The following IHH variants were observed in gnomAD, a reference collection of about 807,000 sequenced individuals.
IHH encodes Indian hedgehog signaling molecule, also known as indian hedgehog protein.
Under a neutral mutation model 29.4 loss-of-function variants are expected in IHH, and 9 were observed. The ratio of observed to expected loss-of-function variants is 0.31; its 90% CI spans 0.18 to 0.53. The LOEUF (loss-of-function observed/expected upper bound fraction) is 0.53. Ranked by LOEUF, IHH falls within the 20% of genes least tolerant of loss-of-function variation. The pLI is 0.95. For synonymous variants in IHH, 254 were observed against 252.7 expected (o/e 1.01, Z -0.05); for missense variants, 454 against 578.1 (o/e 0.79, Z 2.20).
At chr2:219,057,778 C>T (rs950393845) in intron 1 of IHH, 84 bp from the exon 2 acceptor site, 24 of 1,505,640 alleles carry the variant, frequency 1.6e-5, no homozygotes, top group Non-Finnish European at 2.1e-5. Context: ...CGCAGCCTCG[C>T]CCAGAACTCT....
rs1302932323 is a variant in IHH, at chr2:219,059,391, C to A, written c.315+762G>T. Among the ~76,000 whole-genome samples, 1 of 152,192 alleles carries A rather than the reference C, an allele frequency of 6.6e-6. No individual in the cohort carries two copies. The highest frequency in any genetic ancestry group is 1.5e-5 in the Non-Finnish European group (1 of 68,028). ...CGGGTCCTACTCCAGCATGCAGAGA[C>A]TAGCGTCAGCCCTGGTCCCTGCCTC... On this transcript the variant is annotated intron_variant, in intron 1 of 2. Transcript: ENST00000295731. This position sits in a 1 kb window ranked among gnomAD's most constrained non-coding sequence, Gnocchi z 4.7.
chr2:219,055,670 T>A lies in IHH; in HGVS notation c.773A>T (p.Gln258Leu). ...DREPHRLRAF[Q>L]VIETQDPPRR... ...TGGGGGGTCCTGAGTCTCGATGACCTGGAAGGCTCTCAGCCTGTGAGGCTC... is the reference window on the plus strand; with the variant it reads ...TGGGGGGTCCTGAGTCTCGATGACCAGGAAGGCTCTCAGCCTGTGAGGCTC... The change falls in exon 3 of 3, where the codon CAG (glutamine) becomes CTG (leucine). Residue 258 changes from glutamine (Q) to leucine (L), a missense_variant. Transcript: ENST00000295731. 1 of 1,614,032 alleles carries A rather than the reference T, an allele frequency of 6.2e-7. No individual in the cohort carries two copies. The highest frequency in any genetic ancestry group is 8.5e-7 in the Non-Finnish European group (1 of 1,179,958).
chr2:219,060,548 G>T lies in IHH; in HGVS notation c.-81C>A, dbSNP rs528187901. 6,360 of 1,054,958 alleles carry T rather than the reference G, an allele frequency of 6.0e-3. 32 individuals are homozygous for T. Among genetic ancestry groups the T allele is most frequent in the South Asian group, 0.014 (532 of 39,192 alleles). The allele number at this position is 1,054,958 out of a possible 1,614,324, so 65.3% of individuals were successfully genotyped here. A position where few individuals can be genotyped will look rare whatever the true frequency, so the allele number is the denominator to read the frequency against. ...GCGCGTCGACGGGAGCGCTGCGGGG[G>T]CTCAGGCGTCCGGGTGGCTCCGGGG... On this transcript the variant is annotated 5_prime_UTR_variant, in exon 1 of 3. Coordinates refer to ENST00000295731, the MANE Select transcript of IHH (RefSeq NM_002181.4). The surrounding 1 kb of genome is among the most constrained non-coding windows in gnomAD (Gnocchi z 8.8).
Position 219,054,933 on chromosome 2 carries a change from T to C in IHH, c.*274A>G. 5 of 497,128 alleles carry C rather than the reference T, an allele frequency of 1.0e-5. No homozygotes were observed. The highest frequency in any genetic ancestry group is 1.8e-5 in the Non-Finnish European group (5 of 275,934). 30.8% of individuals were successfully genotyped at this position (497,128 alleles called of 1,614,324 possible). ...AAACTCGTAGTGAGAGCAGGCTGAG[T>C]TGGGAGTCGCCGTGCCAGCCTCAAG... On this transcript the variant is annotated 3_prime_UTR_variant, in exon 3 of 3. Coordinates refer to ENST00000295731, the MANE Select transcript of IHH (RefSeq NM_002181.4).
rs951654237 is a variant in IHH, at chr2:219,059,284, C to A, written c.315+869G>T. Among the ~76,000 whole-genome samples the A allele has an allele frequency of 3.9e-5, 6 of 152,208 alleles. No individual in the cohort carries two copies. The highest frequency in any genetic ancestry group is 1.2e-4 in the African/African-American group (5 of 41,454). The stretch of plus-strand genomic sequence containing the variant: ...TTTCAGGGGGAAGCCTCGGGAGACC[C>A]CGAAGGAAGGGGGTGAAGGTCTCTC... On this transcript the variant is annotated intron_variant, in intron 1 of 2. Coordinates refer to ENST00000295731, the MANE Select transcript of IHH (RefSeq NM_002181.4). This position sits in a 1 kb window ranked among gnomAD's most constrained non-coding sequence, Gnocchi z 4.7.
Position 219,058,903 on chromosome 2 carries a change from G to T in IHH, c.316-1209C>A, listed in dbSNP as rs375190962. Among the ~76,000 whole-genome samples the T allele has an allele frequency of 2.9e-3, 444 of 152,248 alleles. 3 individuals carry two copies. Among genetic ancestry groups the T allele is most frequent in the African/African-American group, 1.0e-2 (415 of 41,546 alleles). On this transcript the variant is annotated intron_variant, in intron 1 of 2. Coordinates refer to ENST00000295731, the MANE Select transcript of IHH (RefSeq NM_002181.4). The stretch of plus-strand genomic sequence containing the variant: ...CCCAGGGCCTCGCAGGTCCTCGCTG[G>T]TGCACAGCCTGGCTGGGGGTGCTTA...
At position 219,054,958 on chromosome 2, in the gene IHH, G is replaced by A. The variant is rs903529658; in HGVS notation, c.*249C>T. On this transcript the variant is annotated 3_prime_UTR_variant, in exon 3 of 3. Transcript: ENST00000295731. ...TTGGGAGTCGCCGTGCCAGCCTCAA[G>A]GTCTCTAGGAGAGAGGGGTCAACAA... The A allele has an allele frequency of 1.6e-5, 9 of 550,592 alleles. No homozygotes were observed. Among genetic ancestry groups the A allele is most frequent in the Non-Finnish European group, 2.9e-5 (9 of 308,948 alleles). 34.1% of individuals were successfully genotyped at this position (550,592 alleles called of 1,614,324 possible). A position where few individuals can be genotyped will look rare whatever the true frequency, so the allele number is the denominator to read the frequency against.
At position 219,054,445 on chromosome 2, in the gene IHH, T is replaced by C. The variant is rs1013167577; in HGVS notation, c.*762A>G. 1 of 152,520 alleles carries C rather than the reference T, an allele frequency of 6.6e-6. No individual in the cohort carries two copies. The highest frequency in any genetic ancestry group is 1.5e-5 in the Non-Finnish European group (1 of 68,050). 9.4% of individuals were successfully genotyped at this position (152,520 alleles called of 1,614,324 possible). On this transcript the variant is annotated 3_prime_UTR_variant, in exon 3 of 3. Coordinates refer to ENST00000295731, the MANE Select transcript of IHH (RefSeq NM_002181.4). ...TGGCTCTAACAACTTAAATAATTTT[T>C]ATTACAAAAGGAAGAAAAGACCAAA...
intron 2 of IHH, 37 bp downstream of exon 2, chr2:219,057,396 C>T: frequency 6.4e-7 from 1 of 1,550,730 alleles, no homozygotes; most frequent in Non-Finnish European, 8.7e-7. Context: ...TGCCCTGCGG[C>T]CCCGGCCCCG....
rs1390373187 is a variant in IHH at position 219,059,094 on chromosome 2, C to T, written c.315+1059G>A. The stretch of plus-strand genomic sequence containing the variant: ...GCGTGCGCTGTCAATGATTGCCCAG[C>T]CCGTGGCCCGGATCCTTATCTGCAT... On this transcript the variant is annotated intron_variant, in intron 1 of 2. Coordinates refer to ENST00000295731, the MANE Select transcript of IHH (RefSeq NM_002181.4). This position sits in a 1 kb window ranked among gnomAD's most constrained non-coding sequence, Gnocchi z 4.7. 6.6e-6 allele frequency among the ~76,000 whole-genome samples: 1 copy of T among 152,254 alleles called. No homozygotes were observed. Among genetic ancestry groups the T allele is most frequent in the Admixed American group, 6.5e-5 (1 of 15,294 alleles).
At position 219,055,360 on chromosome 2, in the gene IHH, G is replaced by A. The variant is rs747776677; in HGVS notation, c.1083C>T (p.Phe361=). The A allele has an allele frequency of 6.2e-7, 1 of 1,613,284 alleles. No individual in the cohort carries two copies. Among genetic ancestry groups the A allele is most frequent in the Non-Finnish European group, 8.5e-7 (1 of 1,180,044 alleles). The change falls in exon 3 of 3, where the codon TTC becomes TTT. Residue 361 remains phenylalanine (F), a synonymous_variant. Transcript: ENST00000295731. ...VADHHLAQLA[F]WPLRLFHSLA... ...AGCTGTGAAAGAGTCTCAGGGGCCA[G>A]AAGGCCAACTGAGCCAGGTGGTGGT...
chr2:219,060,485 G>A lies in IHH; in HGVS notation c.-18C>T, dbSNP rs886055652. 2.4e-5 allele frequency: 35 copies of A among 1,446,306 alleles called. No individual in the cohort carries two copies. The highest frequency in any genetic ancestry group is 1.3e-4 in the Admixed American group (5 of 38,166). The allele number at this position is 1,446,306 out of a possible 1,614,324, so 89.6% of individuals were successfully genotyped here. A position where few individuals can be genotyped will look rare whatever the true frequency, so the allele number is the denominator to read the frequency against. The stretch of plus-strand genomic sequence containing the variant: ...GGAGACATGGCCGGGGAGCCCGGGG[G>A]AGCGGCGGGCGAGGTCTCCTGGTGG... On this transcript the variant is annotated 5_prime_UTR_variant, in exon 1 of 3. Coordinates refer to ENST00000295731, the MANE Select transcript of IHH (RefSeq NM_002181.4). The surrounding 1 kb of genome is among the most constrained non-coding windows in gnomAD (Gnocchi z 8.8).
At position 219,054,877 on chromosome 2, in the gene IHH, G is replaced by C. The variant is rs1222995536; in HGVS notation, c.*330C>G. ...AAAGGGGCCTAAGATGGATGGAATG[G>C]GCCCTCCCCAATGGGGGAGGCAGAG... On this transcript the variant is annotated 3_prime_UTR_variant, in exon 3 of 3. Transcript: ENST00000295731. The C allele has an allele frequency of 5.7e-6, 2 of 348,790 alleles. No homozygotes were observed. The highest frequency in any genetic ancestry group is 4.2e-5 in the African/African-American group (2 of 47,436). 21.6% of individuals were successfully genotyped at this position (348,790 alleles called of 1,614,324 possible).
Position 219,057,532 on chromosome 2 carries a change from G to T in IHH, c.478C>A (p.Arg160Ser), listed in dbSNP as rs1948842030. ...CGCGCCAGCAGTCCATACTTATTGC[G>T]GTCGCGGTCTGATGTGGTGATGTCC... is the stretch of plus-strand genomic sequence containing the variant. ...AVDITTSDRDRNKYGLLARLA... is the reference protein window; with the variant it reads ...AVDITTSDRDSNKYGLLARLA... The change falls in exon 2 of 3, where the codon CGC (arginine) becomes AGC (serine). Residue 160 changes from arginine (R) to serine (S), a missense_variant. By Grantham distance (110) the Arg-to-Ser change is moderately radical (BLOSUM62 -1). Transcript: ENST00000295731. The T allele has an allele frequency of 6.2e-7, 1 of 1,614,034 alleles. No individual in the cohort carries two copies. The highest frequency in any genetic ancestry group is 2.2e-5 in the East Asian group (1 of 44,882).
Position 219,055,214 on chromosome 2 carries a change from C to T in IHH, c.1229G>A (p.Gly410Glu), listed in dbSNP as rs761046773. 5.7e-6 allele frequency: 9 copies of T among 1,574,188 alleles called. No homozygotes were observed. Among genetic ancestry groups the T allele is most frequent in the African/African-American group, 2.7e-5 (2 of 73,800 alleles). Reference protein sequence around the residue: ...SFHPLGMSGAGS With the variant: ...SFHPLGMSGAES The stretch of plus-strand genomic sequence containing the variant: ...GGCAGCGGTGGAGTCCTTTCAGCTC[C>T]CTGCCCCGGACATGCCCAGTGGGTG... The change falls in exon 3 of 3, where the codon GGG (glycine) becomes GAG (glutamate). Residue 410 changes from glycine (G) to glutamate (E), a missense_variant. Around this residue, in one of 3 missense-constraint regions of IHH, gnomAD observed 271 missense variants for 315.9 expected, o/e 0.86. Transcript: ENST00000295731.
rs3731878 is a variant in IHH, at chr2:219,055,843, C to T, written c.600G>A (p.Thr200=). The T allele has an allele frequency of 0.099, 159,299 of 1,609,750 alleles. 8,064 individuals carry two copies. The highest frequency in any genetic ancestry group is 0.16 in the East Asian group (7,228 of 44,854). The change falls in exon 3 of 3, where the codon ACG becomes ACA. Residue 200 remains threonine, a synonymous_variant. Coordinates refer to ENST00000295731, the MANE Select transcript of IHH (RefSeq NM_002181.4). ...VKSEHSAAAK[T]GGCFPAGAQV... ...GGGCTCCGGCAGGGAAGCAGCCGCC[C>T]GTCTTGGCTGCGGCCGAGTGCTCTG...
rs915105468 is a variant in IHH, at chr2:219,055,031, G to A, written c.*176C>T. 1.3e-5 allele frequency: 9 copies of A among 681,192 alleles called. No homozygotes were observed. The highest frequency in any genetic ancestry group is 3.6e-5 in the African/African-American group (2 of 55,384). 42.2% of individuals were successfully genotyped at this position (681,192 alleles called of 1,614,324 possible). On this transcript the variant is annotated 3_prime_UTR_variant, in exon 3 of 3. Transcript: ENST00000295731. ...TGCAGCTCTATGACTACACCACGAC[G>A]GGGGTGGGGGACGCTGGTGTTGCCC... is the stretch of plus-strand genomic sequence containing the variant.
chr2:219,055,450 C>G lies in IHH; in HGVS notation c.993G>C (p.Pro331=). 3.1e-6 allele frequency: 5 copies of G among 1,611,892 alleles called. No homozygotes were observed. Among genetic ancestry groups the G allele is most frequent in the Non-Finnish European group, 4.2e-6 (5 of 1,178,954 alleles). Residue 331 remains proline (P), a synonymous_variant, in exon 3 of 3, where the codon CCG becomes CCC. Coordinates refer to ENST00000295731, the MANE Select transcript of IHH (RefSeq NM_002181.4). The part of the protein sequence containing the change: ...STHVALGAYA[P]LTKHGTLVVE... ...CCACCAGTGTCCCATGCTTTGTGAG[C>G]GGGGCGTAGGCCCCGAGGGCCACGT...
At chr2:219,058,317 C>T (rs6759628) in intron 1 of IHH, among the ~76,000 whole-genome samples, 88,485 of 151,984 alleles carry the variant, frequency 0.58, 26,866 homozygotes, top group Non-Finnish European at 0.67. Context: ...GGATTCCCGC[C>T]GGGACCCTCT....
Sources: gnomAD v4.1 joint callset for allele counts (sites outside exome capture counted in the v4.1 genomes callset) on GRCh38, gnomAD v4.1.1 for gene constraint, gnomAD v4.1.1 regional missense constraint, Gnocchi (gnomAD v3.1) non-coding constraint, MANE v1.5 for transcripts, NCBI Gene and HGNC (gene_info 2026-07-23, HGNC 2026-07-21) for gene names.